Variants in TBC1D22A observed in about 807,000 individuals in gnomAD.
The protein encoded by TBC1D22A is putative GTPase activator.
TBC1D22A carries 38 observed loss-of-function variants against 60.2 expected under a neutral mutation model. The ratio of observed to expected loss-of-function variants is 0.63; its 90% CI spans 0.49 to 0.83. The LOEUF is 0.83. TBC1D22A is among the 40% of genes least tolerant of loss of function. The pLI is 0.00. For synonymous variants in TBC1D22A, 302 were observed against 281.7 expected (o/e 1.07, Z -0.72); for missense variants, 628 against 701.0 (o/e 0.90, Z 1.18).
chr22:46,792,570 A>C lies in TBC1D22A; in HGVS notation c.113A>C (p.His38Pro), dbSNP rs146224636. The C allele has an allele frequency of 6.2e-7, 1 of 1,614,024 alleles. No homozygotes were observed. The highest frequency in any genetic ancestry group is 2.2e-5 in the East Asian group (1 of 44,880). The change falls in exon 2 of 13, where the codon CAT becomes CCT. Residue 38 changes from histidine (H) to proline (P), a missense_variant. By Grantham distance (77) the His-to-Pro change is moderately conservative. Transcript: ENST00000337137. The stretch of plus-strand genomic sequence containing the variant: ...CACCCCCCCTTTGATCCACTGTTAC[A>C]TGGCACGTAAGTGACGTTCCAACCT... ...AQHPPFDPLL[H>P]GTLLRSTAKM...
At chr22:47,095,750 A>G (rs1373550661) in intron 11 of TBC1D22A, among the ~76,000 whole-genome samples, 1 of 152,240 alleles carries the variant, frequency 6.6e-6, no homozygotes, top group Admixed American at 6.5e-5. Flanking sequence ...TAAGGGAACA[A>G]TCCTGCAGGG....
At chr22:47,049,104 C>T (rs951406655) in intron 11 of TBC1D22A, among the ~76,000 whole-genome samples, 3 of 152,240 alleles carry the variant, frequency 2.0e-5, no homozygotes, top group African/African-American at 7.2e-5. Context: ...GAGGCCGGCG[C>T]TCCACCTGGG....
intron 4 of TBC1D22A, among the ~76,000 whole-genome samples, chr22:46,825,914 G>C (rs1215628023): frequency 7.2e-6 from 1 of 139,092 alleles, no homozygotes; most frequent in African/African-American, 2.7e-5. Context: ...ACGGAGTCTT[G>C]CTCTGTCGCC....
At chr22:47,138,364 C>G (rs1031081304) in intron 12 of TBC1D22A, among the ~76,000 whole-genome samples, 1 of 152,048 alleles carries the variant, frequency 6.6e-6, no homozygotes, top group African/African-American at 2.4e-5. Context: ...TGGGGAGGAG[C>G]GAGCAGTAGG....
intron 12 of TBC1D22A, among the ~76,000 whole-genome samples, chr22:47,162,704 C>T (rs1469770732): frequency 4.4e-4 from 50 of 114,076 alleles, no homozygotes; most frequent in African/African-American, 2.0e-3. Context: ...ACTGCGGACC[C>T]GGTGCAGGGA....
At chr22:46,941,790 G>A (rs140878336) in intron 8 of TBC1D22A, among the ~76,000 whole-genome samples, 1 of 124,608 alleles carries the variant, frequency 8.0e-6, no homozygotes, top group East Asian at 2.0e-4. Flanking sequence ...AATATATATA[G>A]AATATATAGA....
chr22:47,125,327 C>A (rs910158391), intron 12 of TBC1D22A, among the ~76,000 whole-genome samples: 1 of 152,186 alleles, frequency 6.6e-6, no homozygotes, highest in Admixed American at 6.5e-5. Flanking sequence ...TCTCAGAAGC[C>A]GGCACAGCTA....
intron 10 of TBC1D22A, among the ~76,000 whole-genome samples, chr22:47,018,755 C>G (rs2061985294): frequency 1.3e-5 from 2 of 152,152 alleles, no homozygotes; most frequent in Admixed American, 1.3e-4. Context: ...GGAGTGGGTC[C>G]TGGTGGTGGG....
chr22:46,830,280 C>T (rs1326726680), intron 4 of TBC1D22A, among the ~76,000 whole-genome samples: 4 of 152,186 alleles, frequency 2.6e-5, no homozygotes, highest in South Asian at 2.1e-4. Flanking sequence ...GACTGCTCAT[C>T]GTATGTGACT....
At chr22:47,068,103 A>G (rs1202646032) in intron 11 of TBC1D22A, among the ~76,000 whole-genome samples, 1 of 152,236 alleles carries the variant, frequency 6.6e-6, no homozygotes, top group Non-Finnish European at 1.5e-5. Context: ...CTGTCTGGCC[A>G]CGGGCAGTGT....
chr22:47,082,800 C>G (rs1043024624), intron 11 of TBC1D22A, among the ~76,000 whole-genome samples: 2 of 152,186 alleles, frequency 1.3e-5, no homozygotes, highest in African/African-American at 2.4e-5. Context: ...AGTGGTACCA[C>G]CACTTTGGAA....
At chr22:47,107,840 C>A (rs2065693315) in intron 11 of TBC1D22A, among the ~76,000 whole-genome samples, 1 of 152,224 alleles carries the variant, frequency 6.6e-6, no homozygotes, top group African/African-American at 2.4e-5. Flanking sequence ...CATGTGCATA[C>A]AAATGAACTT....
Position 47,107,148 on chromosome 22 carries a change from A to G in TBC1D22A, c.1330-4360A>G, listed in dbSNP as rs117089187. Among the ~76,000 whole-genome samples, 61 of 152,352 alleles carry G rather than the reference A, an allele frequency of 4.0e-4. No homozygotes were observed. In the East Asian group the frequency reaches 0.011, roughly 28 times the overall value. On this transcript the variant is annotated intron_variant, in intron 11 of 12. Coordinates refer to ENST00000337137, the MANE Select transcript of TBC1D22A (RefSeq NM_014346.5). ...ACATGTTAAAATTTGTAGAGGGGCT[A>G]TTAAAATAATAGAAACAATTCATTA...
At chr22:46,765,638 T>C (rs929560279) in intron 1 of TBC1D22A, among the ~76,000 whole-genome samples, 1 of 151,942 alleles carries the variant, frequency 6.6e-6, no homozygotes, top group African/African-American at 2.4e-5. Context: ...TCTGTTTTTT[T>C]GTATTTTTAG....
At chr22:46,805,835 C>T (rs1313802906) in intron 4 of TBC1D22A, among the ~76,000 whole-genome samples, 2 of 120,042 alleles carry the variant, frequency 1.7e-5, no homozygotes, top group Non-Finnish European at 3.9e-5. Flanking sequence ...TCTTTCTGTC[C>T]TTCTTCTTCT....
chr22:46,807,720 T>G (rs2085208937), intron 4 of TBC1D22A, among the ~76,000 whole-genome samples: 1 of 152,204 alleles, frequency 6.6e-6, no homozygotes, highest in Non-Finnish European at 1.5e-5. Flanking sequence ...TGCCAGCCAG[T>G]AGCAACAATC....
intron 8 of TBC1D22A, among the ~76,000 whole-genome samples, chr22:46,950,231 G>T (rs136074): frequency 0.19 from 28,697 of 152,154 alleles, 2,975 homozygotes; most frequent in East Asian, 0.24. Context: ...AGAGGAACGA[G>T]TGAGAGGGTA....
chr22:46,818,111 C>G (rs910479569), intron 4 of TBC1D22A, among the ~76,000 whole-genome samples: 1 of 151,756 alleles, frequency 6.6e-6, no homozygotes, highest in Non-Finnish European at 1.5e-5. Flanking sequence ...TTGTTTTTTA[C>G]TTGTAAATTT....
intron 12 of TBC1D22A, among the ~76,000 whole-genome samples, chr22:47,155,645 A>G (rs1209066201): frequency 1.3e-5 from 2 of 151,856 alleles, no homozygotes. Context: ...ACATCACAGC[A>G]GCCTGCAAAG....
Sources: gnomAD v4.1 joint callset for allele counts (sites outside exome capture counted in the v4.1 genomes callset) on GRCh38, gnomAD v4.1.1 for gene constraint, MANE v1.5 for transcripts, NCBI Gene and HGNC (gene_info 2026-07-23, HGNC 2026-07-21) for gene names.